Variants in DCC observed in about 807,000 individuals in gnomAD.
DCC encodes netrin receptor DCC.
DCC carries 58 observed loss-of-function variants against 172.5 expected under a neutral mutation model. That is an observed-to-expected ratio of 0.34 (90% CI 0.27 to 0.42). The LOEUF (loss-of-function observed/expected upper bound fraction) is 0.42, where lower values mean the gene tolerates loss of function less well. Ranked by LOEUF, DCC falls within the 10% of genes least tolerant of loss-of-function variation. The pLI, the probability that DCC is intolerant of heterozygous loss-of-function variation, is 1.00. For synonymous variants in DCC, 709 were observed against 644.5 expected (o/e 1.10, Z -1.52); for missense variants, 1,740 against 1,791.0 (o/e 0.97, Z 0.51).
At chr18:53,400,981 T>C (rs556274269) in intron 18 of DCC, among the ~76,000 whole-genome samples, 46 of 152,266 alleles carry the variant, frequency 3.0e-4, no homozygotes, top group African/African-American at 1.1e-3. Context: ...AAGTGGAAAA[T>C]TCCTTATTAC....
chr18:53,087,400 C>A (rs1478029261), intron 7 of DCC, among the ~76,000 whole-genome samples: 4 of 151,832 alleles, frequency 2.6e-5, no homozygotes, highest in Non-Finnish European at 1.5e-5. Context: ...TAAATGTCTT[C>A]TTTTGAGAAG....
Position 52,791,445 on chromosome 18 carries a change from C to T in DCC, c.412+39071C>T, listed in dbSNP as rs540506539. ...AGAGTGGAAAGGAAGACAGTGGAGGCGTTCCCCCTGCTGTTTTTTGTGTTT... is the reference window on the plus strand; with the variant it reads ...AGAGTGGAAAGGAAGACAGTGGAGGTGTTCCCCCTGCTGTTTTTTGTGTTT... On this transcript the variant is annotated intron_variant, in intron 2 of 28. Coordinates refer to ENST00000442544, the MANE Select transcript of DCC (RefSeq NM_005215.4). Among the ~76,000 whole-genome samples, 336 of 151,124 alleles carry T rather than the reference C, an allele frequency of 2.2e-3. 3 individuals carry two copies. The highest frequency in any genetic ancestry group is 3.2e-3 in the Non-Finnish European group (216 of 67,780).
At chr18:52,399,837 G>A (rs556270246) in intron 1 of DCC, among the ~76,000 whole-genome samples, 15 of 151,976 alleles carry the variant, frequency 9.9e-5, no homozygotes, top group East Asian at 3.9e-4. Context: ...TATTAATATC[G>A]TTAGCATTTT....
chr18:52,715,275 A>C (rs1422808162), intron 1 of DCC, among the ~76,000 whole-genome samples: 2 of 138,670 alleles, frequency 1.4e-5, no homozygotes, highest in Admixed American at 7.9e-5. Context: ...AATAAAAAAA[A>C]ACACTACATT....
chr18:53,525,246 A>G (rs1175754652), intron 27 of DCC, among the ~76,000 whole-genome samples: 1 of 152,078 alleles, frequency 6.6e-6, no homozygotes, highest in Non-Finnish European at 1.5e-5. Flanking sequence ...TTCCCTCACC[A>G]TGTTATTTTG....
chr18:53,247,910 G>T (rs1451047956), intron 12 of DCC, among the ~76,000 whole-genome samples: 1 of 151,994 alleles, frequency 6.6e-6, no homozygotes, highest in South Asian at 2.1e-4. Flanking sequence ...TATCCGTGTG[G>T]ACATCCCATC....
intron 1 of DCC, among the ~76,000 whole-genome samples, chr18:52,348,491 G>A (rs765035467): frequency 5.9e-5 from 9 of 152,154 alleles, no homozygotes; most frequent in Admixed American, 6.5e-5. Context: ...TAATTTGCCC[G>A]CATCTGGTAA....
At chr18:53,107,070 G>A (rs962836471) in intron 7 of DCC, among the ~76,000 whole-genome samples, 28 of 151,916 alleles carry the variant, frequency 1.8e-4, no homozygotes, top group African/African-American at 6.0e-4. Flanking sequence ...CATTATTAAC[G>A]TGTTTTCTTA....
intron 25 of DCC, among the ~76,000 whole-genome samples, chr18:53,474,988 C>T (rs4442897): frequency 6.6e-6 from 1 of 152,242 alleles, no homozygotes; most frequent in African/African-American, 2.4e-5. Flanking sequence ...TGAGGAACTT[C>T]TTGGGAACTG....
chr18:53,505,720 A>G (rs1424954324), intron 27 of DCC, among the ~76,000 whole-genome samples: 1 of 152,238 alleles, frequency 6.6e-6, no homozygotes, highest in African/African-American at 2.4e-5. Flanking sequence ...GTAACCTAAT[A>G]GAAGACATAA....
chr18:52,899,343 CTTTTTTTTTTTTTTTTTT>C (rs57712241), intron 2 of DCC, among the ~76,000 whole-genome samples: 2 of 55,162 alleles, frequency 3.6e-5, no homozygotes, highest in East Asian at 5.3e-4. Context: ...TCTTTCTTTC[CTTTTTTTTTTTTTTTTTT>C]TTTTTTTTTG....
intron 27 of DCC, among the ~76,000 whole-genome samples, chr18:53,500,747 C>CGTTCCACTATG (rs1478928614): frequency 6.6e-6 from 1 of 151,680 alleles, no homozygotes; most frequent in Non-Finnish European, 1.5e-5. Flanking sequence ...TTGGGACGCA[C>CGTTCCACTATG]GTTCCACTAT....
At chr18:53,038,791 C>T (rs1361156409) in intron 5 of DCC, among the ~76,000 whole-genome samples, 1 of 151,938 alleles carries the variant, frequency 6.6e-6, no homozygotes, top group Non-Finnish European at 1.5e-5. Context: ...TAACACTGTG[C>T]CTTTTAATAC....
At chr18:53,263,060 A>T (rs1223599675) in intron 12 of DCC, among the ~76,000 whole-genome samples, 2 of 152,230 alleles carry the variant, frequency 1.3e-5, no homozygotes, top group African/African-American at 4.8e-5. Flanking sequence ...ATGGCCATCT[A>T]GCAAAAGCAA....
intron 2 of DCC, among the ~76,000 whole-genome samples, chr18:52,852,957 T>A (rs994329567): frequency 6.6e-6 from 1 of 152,224 alleles, no homozygotes; most frequent in African/African-American, 2.4e-5. Context: ...GAGGTTATTT[T>A]GGCGATTTTT....
At chr18:53,047,263 T>A (rs575472204) in intron 5 of DCC, among the ~76,000 whole-genome samples, 39 of 13,802 alleles carry the variant, frequency 2.8e-3, no homozygotes, top group Middle Eastern at 0.028. Context: ...TATATATATA[T>A]ATATATATAT....
intron 8 of DCC, among the ~76,000 whole-genome samples, chr18:53,160,404 T>TC (rs971710458): frequency 6.6e-6 from 1 of 152,226 alleles, no homozygotes; most frequent in African/African-American, 2.4e-5. Context: ...CTGTTTTCCT[T>TC]CACTTATTCC....
intron 12 of DCC, among the ~76,000 whole-genome samples, chr18:53,292,933 A>G (rs1249278226): frequency 6.6e-6 from 1 of 152,160 alleles, no homozygotes; most frequent in African/African-American, 2.4e-5. Context: ...AACTTGCTTC[A>G]GTTTTTAATG....
chr18:53,205,199 A>C lies in DCC; in HGVS notation c.1574-17A>C, dbSNP rs371967382. The C allele has an allele frequency of 1.8e-5, 29 of 1,606,372 alleles. No individual in the cohort carries two copies. The African/African-American group carries it at 2.9e-4, about 16-fold the overall frequency. Reference sequence around the variant, plus strand: ...CCTAATCACTTTTCTTTCTTTCTTTATTATTTTTTTATACAGTGCAAGTTC... The same window carrying C: ...CCTAATCACTTTTCTTTCTTTCTTTCTTATTTTTTTATACAGTGCAAGTTC... On this transcript the variant is annotated splice_polypyrimidine_tract_variant and intron_variant, in intron 9 of 28. Coordinates refer to ENST00000442544, the MANE Select transcript of DCC (RefSeq NM_005215.4).
Sources: allele counts gnomAD v4.1 joint callset (sites outside exome capture counted in the v4.1 genomes callset), GRCh38; gene constraint gnomAD v4.1.1; transcripts MANE v1.5; gene names NCBI Gene and HGNC (gene_info 2026-07-23, HGNC 2026-07-21).